The following MBOAT1 variants were observed in gnomAD, a reference collection of about 807,000 sequenced individuals.
MBOAT1 encodes the protein membrane bound glycerophospholipid O-acyltransferase 1.
Under a neutral mutation model 64.4 loss-of-function variants are expected in MBOAT1, and 67 were observed. The ratio of observed to expected loss-of-function variants is 1.04; its 90% confidence interval spans 0.85 to 1.27. The LOEUF is 1.27. Among genes scored for constraint, MBOAT1 ranks in the 50% most tolerant of loss-of-function variants. The pLI, the probability that MBOAT1 is intolerant of heterozygous loss-of-function variation, is 0.00. For missense variants in MBOAT1, 563 were observed against 604.6 expected (o/e 0.93, Z 0.72); for synonymous variants, 229 against 218.9 (o/e 1.05, Z -0.41).
Position 20,124,456 on chromosome 6 carries a change from CAT to C in MBOAT1, c.857_858del (p.Tyr286CysfsTer18). 1 of 1,614,134 alleles carries C rather than the reference CAT, an allele frequency of 6.2e-7. No homozygotes were observed. The highest frequency in any genetic ancestry group is 1.6e-4 in the Middle Eastern group (1 of 6,062). On this transcript the variant is annotated frameshift_variant, in exon 8 of 13. Transcript: ENST00000324607. LOFTEE classifies it high-confidence loss of function. ...ASFPARLCYL[Y>X]VVMQASKPKY... The stretch of plus-strand genomic sequence containing the variant: ...TTGGGCTTTGAGGCTTGCATGACAA[CAT>C]ATAAGTAGCAGAGTCGAGCCGGAAA...
intron 12 of MBOAT1, among the ~76,000 whole-genome samples, chr6:20,102,665 G>A (rs976196567): frequency 6.6e-6 from 1 of 152,092 alleles, no homozygotes; most frequent in Non-Finnish European, 1.5e-5. Flanking sequence ...ACACGGTACC[G>A]TCCCATTGAC....
At chr6:20,134,375 T>C (rs1252767681) in intron 4 of MBOAT1, among the ~76,000 whole-genome samples, 4 of 151,532 alleles carry the variant, frequency 2.6e-5, no homozygotes, top group Non-Finnish European at 5.9e-5. Context: ...ATGTCCTTTT[T>C]ATAGAAAAAA....
intron 10 of MBOAT1, 57 bp from the exon 11 acceptor site, chr6:20,113,065 C>A: frequency 6.3e-7 from 1 of 1,578,020 alleles, no homozygotes; most frequent in Non-Finnish European, 8.6e-7. Flanking sequence ...CTTCTAAGTA[C>A]AGCTGCTGTT....
rs143359106 is a variant in MBOAT1, at chr6:20,201,208, C to T, written c.99+10928G>A. 1.6e-3 allele frequency among the ~76,000 whole-genome samples: 251 copies of T among 152,258 alleles called. 1 individual carries two copies. Among genetic ancestry groups the T allele is most frequent in the African/African-American group, 5.8e-3 (242 of 41,538 alleles). ...TTATAACTCCAGATTTTTCTCATAA[C>T]ACAAAGCCATGGCTGGAAGAACAGA... On this transcript the variant is annotated intron_variant, in intron 1 of 12. Transcript: ENST00000324607.
chr6:20,191,711 G>T (rs929396201), intron 1 of MBOAT1, among the ~76,000 whole-genome samples: 31 of 152,228 alleles, frequency 2.0e-4, no homozygotes, highest in African/African-American at 7.5e-4. Flanking sequence ...TTGCAGAGAT[G>T]AGATGACCCA....
intron 1 of MBOAT1, among the ~76,000 whole-genome samples, chr6:20,158,528 G>A (rs957878295): frequency 1.4e-4 from 22 of 152,104 alleles, no homozygotes; most frequent in Non-Finnish European, 2.9e-5. Context: ...GTGATCTCTT[G>A]GATTTAACCC....
At chr6:20,135,889 G>T (rs114668421) in intron 4 of MBOAT1, among the ~76,000 whole-genome samples, 1 of 152,174 alleles carries the variant, frequency 6.6e-6, no homozygotes, top group Non-Finnish European at 1.5e-5. Flanking sequence ...AACCTAGACC[G>T]CTACTGCCAT....
chr6:20,146,968 G>A (rs1272119081), intron 3 of MBOAT1, among the ~76,000 whole-genome samples: 3 of 152,154 alleles, frequency 2.0e-5, no homozygotes, highest in African/African-American at 7.2e-5. Flanking sequence ...TTGTGGGAGG[G>A]ACCCAGTGGG....
chr6:20,146,103 C>T (rs1360463293), intron 3 of MBOAT1, among the ~76,000 whole-genome samples: 1 of 152,164 alleles, frequency 6.6e-6, no homozygotes, highest in Admixed American at 6.5e-5. Context: ...GAAATGAATA[C>T]ATTACACATT....
At chr6:20,119,423 A>C (rs1173141149) in intron 8 of MBOAT1, among the ~76,000 whole-genome samples, 1 of 152,180 alleles carries the variant, frequency 6.6e-6, no homozygotes, top group Admixed American at 6.5e-5. Flanking sequence ...TTCTAAGAAA[A>C]AATTAAAATG....
chr6:20,129,093 C>T (rs1760742291), intron 5 of MBOAT1, among the ~76,000 whole-genome samples: 1 of 152,136 alleles, frequency 6.6e-6, no homozygotes, highest in South Asian at 2.1e-4. Flanking sequence ...TTCCCTGATA[C>T]ATCAGAGAGA....
At chr6:20,146,075 T>C (rs1761317020) in intron 3 of MBOAT1, among the ~76,000 whole-genome samples, 1 of 152,258 alleles carries the variant, frequency 6.6e-6, no homozygotes, top group Admixed American at 6.5e-5. Flanking sequence ...GTTCAGTTAC[T>C]GTTAGTTGAA....
intron 1 of MBOAT1, among the ~76,000 whole-genome samples, chr6:20,158,486 G>A (rs998347330): frequency 6.6e-6 from 1 of 152,160 alleles, no homozygotes; most frequent in African/African-American, 2.4e-5. Flanking sequence ...AGAAAACATA[G>A]GCGAAAACTA....
At chr6:20,136,270 G>C (rs149771576) in intron 4 of MBOAT1, among the ~76,000 whole-genome samples, 60 of 152,324 alleles carry the variant, frequency 3.9e-4, no homozygotes, top group African/African-American at 1.4e-3. Context: ...GGGTGAATTA[G>C]AGTAGGAAAG....
chr6:20,154,468 G>C (rs1761618719), intron 1 of MBOAT1, among the ~76,000 whole-genome samples: 1 of 152,142 alleles, frequency 6.6e-6, no homozygotes, highest in Non-Finnish European at 1.5e-5. Flanking sequence ...GGGAGGCAGA[G>C]GTTGCAGTGA....
intron 1 of MBOAT1, among the ~76,000 whole-genome samples, chr6:20,200,311 T>C (rs1005287865): frequency 1.3e-5 from 2 of 152,224 alleles, no homozygotes; most frequent in Non-Finnish European, 2.9e-5. Context: ...CTAAGTCTAC[T>C]GAAATTGGAA....
chr6:20,109,499 G>A (rs1470164774), intron 12 of MBOAT1, 99 bp downstream of exon 12: 1 of 1,398,558 alleles, frequency 7.2e-7, no homozygotes, highest in East Asian at 2.3e-5. Context: ...CCAGTTAGAA[G>A]TGTTTAGGAC....
chr6:20,194,263 G>A (rs927670148), intron 1 of MBOAT1, among the ~76,000 whole-genome samples: 1 of 152,116 alleles, frequency 6.6e-6, no homozygotes, highest in Non-Finnish European at 1.5e-5. Context: ...CATTAGTATA[G>A]TATATTTGTC....
chr6:20,157,435 T>C (rs970401604), intron 1 of MBOAT1, among the ~76,000 whole-genome samples: 8 of 152,242 alleles, frequency 5.3e-5, no homozygotes, highest in African/African-American at 2.4e-5. Context: ...AAAAATAACG[T>C]GTAAAATGGA....
Sources: allele counts gnomAD v4.1 joint callset (sites outside exome capture counted in the v4.1 genomes callset), GRCh38; gene constraint gnomAD v4.1.1; transcripts MANE v1.5; gene names NCBI Gene and HGNC (gene_info 2026-07-23, HGNC 2026-07-21).